PCDH7: variants seen among roughly 807,000 people sequenced by gnomAD.
PCDH7 encodes protocadherin-7.
PCDH7 carries 17 observed loss-of-function variants against 58.9 expected under a neutral mutation model. That is an observed-to-expected ratio of 0.29 (90% CI 0.20 to 0.43). The LOEUF (loss-of-function observed/expected upper bound fraction) is 0.43, where lower values mean the gene tolerates loss of function less well. PCDH7 is among the 20% of genes least tolerant of loss of function. The pLI, the probability that PCDH7 is intolerant of heterozygous loss-of-function variation, is 1.00. For synonymous variants in PCDH7, 664 were observed against 616.4 expected (o/e 1.08, Z -1.14); for missense variants, 1,274 against 1,441.0 (o/e 0.88, Z 1.88).
intron 3 of PCDH7, among the ~76,000 whole-genome samples, chr4:30,972,078 T>C (rs1749638235): frequency 6.6e-6 from 1 of 152,228 alleles, no homozygotes; most frequent in Non-Finnish European, 1.5e-5. Flanking sequence ...CTAAGAAGCC[T>C]CAGGCTGTGT....
chr4:30,994,548 G>A (rs1751714010), intron 3 of PCDH7, among the ~76,000 whole-genome samples: 1 of 152,230 alleles, frequency 6.6e-6, no homozygotes, highest in African/African-American at 2.4e-5. Context: ...TTGAAAATCA[G>A]CTTTCTAATA....
chr4:30,864,401 A>G (rs900769696), intron 1 of PCDH7, among the ~76,000 whole-genome samples: 1 of 150,090 alleles, frequency 6.7e-6, no homozygotes, highest in African/African-American at 2.5e-5. Flanking sequence ...AAGTCCTTCA[A>G]TTTTTATCTT....
rs538875480 is a variant in PCDH7 at position 30,904,684 on chromosome 4, A to G, written c.71-15469A>G. On this transcript the variant is annotated intron_variant, in intron 1 of 3. Transcript: ENST00000509759. ...TGTACTAAGTAATAAAAATTAACATATGCTCGGCGTTGAATATATTTTTCC... is the reference window on the plus strand; with the variant it reads ...TGTACTAAGTAATAAAAATTAACATGTGCTCGGCGTTGAATATATTTTTCC... Among the ~76,000 whole-genome samples the G allele has an allele frequency of 6.0e-4, 91 of 152,306 alleles. 3 individuals are homozygous for G. In the South Asian group the frequency reaches 0.018, roughly 30 times the overall value.
chr4:30,943,133 C>T (rs1746256453), intron 2 of PCDH7, among the ~76,000 whole-genome samples: 1 of 151,930 alleles, frequency 6.6e-6, no homozygotes, highest in Non-Finnish European at 1.5e-5. Flanking sequence ...ATTTTTAAAT[C>T]ACTTTCATTC....
chr4:31,078,018 G>A (rs185553005), intron 3 of PCDH7, among the ~76,000 whole-genome samples: 66 of 152,240 alleles, frequency 4.3e-4, no homozygotes, highest in Non-Finnish European at 6.6e-4. Flanking sequence ...GAGCCATGTG[G>A]AGAAAAAAGC....
intron 1 of PCDH7, among the ~76,000 whole-genome samples, chr4:30,831,462 T>C (rs1729770335): frequency 6.6e-6 from 1 of 152,136 alleles, no homozygotes; most frequent in African/African-American, 2.4e-5. Context: ...CTGTATTAGA[T>C]AACATTTGTA....
At chr4:31,096,905 C>A in intron 3 of PCDH7, among the ~76,000 whole-genome samples, 1 of 97,638 alleles carries the variant, frequency 1.0e-5, no homozygotes, top group Non-Finnish European at 1.8e-5. Flanking sequence ...CTAATAAATT[C>A]CTTGTTTGTG....
intron 1 of PCDH7, among the ~76,000 whole-genome samples, chr4:30,779,170 C>G (rs1228419564): frequency 6.6e-6 from 1 of 151,726 alleles, no homozygotes; most frequent in East Asian, 1.9e-4. Flanking sequence ...ATTACAGGTG[C>G]TCACCACCAC....
intron 3 of PCDH7, among the ~76,000 whole-genome samples, chr4:31,027,416 A>T (rs1036775267): frequency 1.3e-5 from 2 of 151,880 alleles, no homozygotes; most frequent in Non-Finnish European, 2.9e-5. Context: ...GTATGTTATT[A>T]TATTTTATTT....
At chr4:30,824,084 T>C (rs925380030) in intron 1 of PCDH7, among the ~76,000 whole-genome samples, 1 of 8,732 alleles carries the variant, frequency 1.1e-4, no homozygotes, top group African/African-American at 6.4e-4. Context: ...GTTTCTTTTC[T>C]TTCTTTCTTT....
chr4:31,115,670 G>GA (rs1462657769), intron 3 of PCDH7, among the ~76,000 whole-genome samples: 2 of 152,062 alleles, frequency 1.3e-5, no homozygotes, highest in Non-Finnish European at 2.9e-5. Context: ...ACATAACTAG[G>GA]AAAAGAATTC....
At chr4:30,922,255 A>G (rs1743279051) in intron 2 of PCDH7, among the ~76,000 whole-genome samples, 3 of 151,880 alleles carry the variant, frequency 2.0e-5, no homozygotes, top group African/African-American at 7.3e-5. Context: ...GGCAGGATTA[A>G]TTTAATTTAG....
At chr4:31,116,994 T>C (rs1397558784) in intron 3 of PCDH7, among the ~76,000 whole-genome samples, 1 of 152,084 alleles carries the variant, frequency 6.6e-6, no homozygotes, top group Non-Finnish European at 1.5e-5. Context: ...TGCCACCACA[T>C]CTGGCTAATT....
intron 3 of PCDH7, among the ~76,000 whole-genome samples, chr4:31,009,643 A>G (rs879934944): frequency 2.6e-5 from 4 of 151,882 alleles, no homozygotes; most frequent in Non-Finnish European, 4.4e-5. Context: ...TTATATATCT[A>G]TATATATTCA....
intron 1 of PCDH7, among the ~76,000 whole-genome samples, chr4:30,748,940 C>T (rs1162178116): frequency 1.3e-5 from 2 of 152,122 alleles, no homozygotes; most frequent in African/African-American, 2.4e-5. Flanking sequence ...ATATCTGGCA[C>T]TAGTCATAAT....
At chr4:30,987,939 G>A (rs1202962776) in intron 3 of PCDH7, 3 of 152,122 alleles carry the variant, frequency 2.0e-5, no homozygotes, top group Non-Finnish European at 4.4e-5. Context: ...TTTCTAGGGA[G>A]GGTATTGTAC....
intron 1 of PCDH7, among the ~76,000 whole-genome samples, chr4:30,847,418 T>G (rs955113313): frequency 1.3e-5 from 2 of 152,154 alleles, no homozygotes; most frequent in African/African-American, 4.8e-5. Flanking sequence ...GGCTGAAACG[T>G]CTTTGCAGGA....
chr4:30,943,019 T>C (rs557633633), intron 2 of PCDH7, among the ~76,000 whole-genome samples: 3 of 151,944 alleles, frequency 2.0e-5, no homozygotes, highest in Admixed American at 2.0e-4. Flanking sequence ...GAACATAGGG[T>C]GACACTGGGT....
At chr4:31,134,722 A>T (rs1026751531) in intron 3 of PCDH7, among the ~76,000 whole-genome samples, 2 of 152,074 alleles carry the variant, frequency 1.3e-5, no homozygotes, top group Non-Finnish European at 2.9e-5. Flanking sequence ...TGCCTGGCTC[A>T]CTCATATGAC....
Sources: allele counts gnomAD v4.1 joint callset (sites outside exome capture counted in the v4.1 genomes callset), GRCh38; gene constraint gnomAD v4.1.1; transcripts MANE v1.5; gene names NCBI Gene and HGNC (gene_info 2026-07-23, HGNC 2026-07-21).